The following PCDHGB5 variants were observed in gnomAD, a reference collection of about 807,000 sequenced individuals.
PCDHGB5 encodes the protein protocadherin gamma subfamily B, 5.
A neutral mutation model predicts 62.9 loss-of-function variants in PCDHGB5; 48 were observed. That is an observed-to-expected ratio of 0.76 (90% confidence interval 0.61 to 0.97). PCDHGB5 has a LOEUF of 0.97. Among genes scored for constraint, PCDHGB5 ranks in the 50% least tolerant of loss-of-function variants. The pLI, the probability that PCDHGB5 is intolerant of heterozygous loss-of-function variation, is 0.00. For synonymous variants in PCDHGB5, 474 were observed against 511.2 expected (o/e 0.93, Z 0.98); for missense variants, 1,118 against 1,198.6 (o/e 0.93, Z 0.99).
At chr5:141,503,325 G>A (rs1002520312) in intron 2 of PCDHGB5, among the ~76,000 whole-genome samples, 10 of 152,104 alleles carry the variant, frequency 6.6e-5, no homozygotes, top group East Asian at 1.9e-4. Flanking sequence ...GGAGGGGCGC[G>A]GTGGCTCACG....
intron 1 of PCDHGB5, chr5:141,413,714 A>T: frequency 6.2e-7 from 1 of 1,613,586 alleles, no homozygotes; most frequent in Non-Finnish European, 8.5e-7. Flanking sequence ...AGCCCCAATA[A>T]GCACTTCTCC....
At chr5:141,427,845 G>C in intron 1 of PCDHGB5, 1 of 1,550,582 alleles carries the variant, frequency 6.4e-7, no homozygotes, top group Non-Finnish European at 8.8e-7. Context: ...CTTCGACCAC[G>C]AGCAGCTGTG....
Position 141,491,620 on chromosome 5 carries a change from A to C in PCDHGB5, c.2398-3187A>C. On this transcript the variant is annotated intron_variant, in intron 1 of 3. Coordinates refer to ENST00000617380, the MANE Select transcript of PCDHGB5 (RefSeq NM_018925.3). This position sits in a 1 kb window ranked among gnomAD's most constrained non-coding sequence, Gnocchi z 6.9. ...TGACTTCACTTTTCTAAGACCCCTC[A>C]GCGTTCAGCAGCCCACAGCTCTGGC... is the stretch of plus-strand genomic sequence containing the variant. 6.2e-7 allele frequency: 1 copy of C among 1,613,906 alleles called. No individual in the cohort carries two copies. The highest frequency in any genetic ancestry group is 1.1e-5 in the South Asian group (1 of 91,084).
chr5:141,405,419 T>C, intron 1 of PCDHGB5: 7 of 1,509,010 alleles, frequency 4.6e-6, no homozygotes, highest in Non-Finnish European at 5.4e-6. Flanking sequence ...TTTTTTGTTT[T>C]TTGTTTTGTT....
Position 141,491,436 on chromosome 5 carries a change from G to A in PCDHGB5, c.2398-3371G>A, listed in dbSNP as rs771884610. ...ACGGGGGTGGAGGGCAGTGCTGCAG[G>A]CGCCAGGACTCACCCTCCCCGGACT... On this transcript the variant is annotated intron_variant, in intron 1 of 3. Coordinates refer to ENST00000617380, the MANE Select transcript of PCDHGB5 (RefSeq NM_018925.3). This position sits in a 1 kb window ranked among gnomAD's most constrained non-coding sequence, Gnocchi z 6.9. 1 of 1,614,070 alleles carries A rather than the reference G, an allele frequency of 6.2e-7. No individual in the cohort carries two copies. The highest frequency in any genetic ancestry group is 8.5e-7 in the Non-Finnish European group (1 of 1,180,034).
rs781336795 is a variant in PCDHGB5, at chr5:141,477,936, C to T, written c.2398-16871C>T. Reference sequence around the variant, plus strand: ...GATGCAGGGCACAATGCCTGGCTCTCCTACAGTCTCTTGGGATCCCCTAAC... The same window carrying T: ...GATGCAGGGCACAATGCCTGGCTCTTCTACAGTCTCTTGGGATCCCCTAAC... On this transcript the variant is annotated intron_variant, in intron 1 of 3. Transcript: ENST00000617380. This position sits in a 1 kb window ranked among gnomAD's most constrained non-coding sequence, Gnocchi z 4.9. 1.2e-6 allele frequency: 2 copies of T among 1,614,170 alleles called. No homozygotes were observed. The highest frequency in any genetic ancestry group is 1.1e-5 in the South Asian group (1 of 91,088).
At position 141,511,248 on chromosome 5, in the gene PCDHGB5, C is replaced by T; in HGVS notation, c.*75C>T. ...AGCTTCTCCTTACCTGCACCCAGGC[C>T]TCAGAGTTTCAGGGCTAACCCCCAG... On this transcript the variant is annotated 3_prime_UTR_variant, in exon 4 of 4. Transcript: ENST00000617380. 6.4e-7 allele frequency: 1 copy of T among 1,574,736 alleles called. No homozygotes were observed. The highest frequency in any genetic ancestry group is 8.6e-7 in the Non-Finnish European group (1 of 1,160,336).
chr5:141,494,400 C>A (rs2099754045), intron 1 of PCDHGB5, among the ~76,000 whole-genome samples: 1 of 152,158 alleles, frequency 6.6e-6, no homozygotes, highest in African/African-American at 2.4e-5. Flanking sequence ...TAAATTCATT[C>A]TAGGGCTGGT....
chr5:141,437,881 G>A (rs1317504695), intron 1 of PCDHGB5, among the ~76,000 whole-genome samples: 4 of 152,026 alleles, frequency 2.6e-5, no homozygotes, highest in Admixed American at 2.6e-4. Flanking sequence ...GGGACTACAG[G>A]CACACGCCAC....
chr5:141,398,882 G>C lies in PCDHGB5; in HGVS notation c.755G>C (p.Arg252Pro). Residue 252 changes from arginine (R) to proline (P), a missense_variant, in exon 1 of 4, where the codon CGG (arginine) becomes CCG (proline). Arg to Pro is a moderately radical substitution (Grantham distance 103). Around this residue, in one of 2 missense-constraint regions of PCDHGB5, gnomAD observed 1,034 missense variants for 1,029.1 expected, o/e 1.00. Coordinates refer to ENST00000617380, the MANE Select transcript of PCDHGB5 (RefSeq NM_018925.3). ...FNRDVYRVSL[R>P]ENVPPGTTVL... Reference sequence around the variant, plus strand: ...CGAGACGTGTACAGAGTCAGCCTTCGGGAAAACGTGCCACCAGGCACCACT... The same window carrying C: ...CGAGACGTGTACAGAGTCAGCCTTCCGGAAAACGTGCCACCAGGCACCACT... The C allele has an allele frequency of 6.2e-7, 1 of 1,613,930 alleles. No homozygotes were observed. The highest frequency in any genetic ancestry group is 8.5e-7 in the Non-Finnish European group (1 of 1,179,888).
At chr5:141,445,282 T>G (rs1023693067) in intron 1 of PCDHGB5, among the ~76,000 whole-genome samples, 4 of 152,220 alleles carry the variant, frequency 2.6e-5, no homozygotes, top group Non-Finnish European at 5.9e-5. Context: ...TCTGCATAAG[T>G]TCAGGCTTCC....
intron 1 of PCDHGB5, among the ~76,000 whole-genome samples, chr5:141,463,117 A>G (rs2099053039): frequency 6.6e-6 from 1 of 152,196 alleles, no homozygotes; most frequent in African/African-American, 2.4e-5. Context: ...TTCAGCTAAT[A>G]GCTCCCTGGC....
chr5:141,408,230 C>G (rs1470965375), intron 1 of PCDHGB5: 1 of 1,566,168 alleles, frequency 6.4e-7, no homozygotes, highest in Non-Finnish European at 8.7e-7. Flanking sequence ...GCAGAGGCGC[C>G]GGGCCGGCCC....
At chr5:141,415,151 C>G in intron 1 of PCDHGB5, 2 of 1,613,814 alleles carry the variant, frequency 1.2e-6, no homozygotes, top group Non-Finnish European at 1.7e-6. Flanking sequence ...CCCCCTCTCT[C>G]CGCCACTGTC....
intron 1 of PCDHGB5, among the ~76,000 whole-genome samples, chr5:141,469,345 G>A (rs2099197832): frequency 6.6e-6 from 1 of 152,128 alleles, no homozygotes; most frequent in Non-Finnish European, 1.5e-5. Context: ...GGGAGGCTGA[G>A]GTGGATGGAT....
intron 2 of PCDHGB5, among the ~76,000 whole-genome samples, chr5:141,500,289 A>G (rs1440166636): frequency 6.6e-6 from 1 of 151,486 alleles, no homozygotes; most frequent in African/African-American, 2.4e-5. Flanking sequence ...GCTCACTGCA[A>G]GCTCCGCCTC....
chr5:141,477,295 G>A lies in PCDHGB5; in HGVS notation c.2398-17512G>A, dbSNP rs1207558247. On this transcript the variant is annotated intron_variant, in intron 1 of 3. Transcript: ENST00000617380. This position sits in a 1 kb window ranked among gnomAD's most constrained non-coding sequence, Gnocchi z 4.9. ...GGCTGGTGACCTGCGAAGTTCCACC[G>A]GGTCTCCCTTTCAGCCTTACTTCTT... is the stretch of plus-strand genomic sequence containing the variant. The A allele has an allele frequency of 8.1e-6, 13 of 1,613,990 alleles. No homozygotes were observed. Among genetic ancestry groups the A allele is most frequent in the Admixed American group, 3.3e-5 (2 of 59,990 alleles).
intron 2 of PCDHGB5, 164 bp downstream of exon 2, chr5:141,495,029 G>A: frequency 2.1e-6 from 2 of 968,864 alleles, no homozygotes; most frequent in Non-Finnish European, 2.5e-6. Flanking sequence ...ACAGACCCCG[G>A]AAGGAAGAGG....
At chr5:141,423,495 C>T in intron 1 of PCDHGB5, 1 of 1,613,946 alleles carries the variant, frequency 6.2e-7, no homozygotes, top group African/African-American at 1.3e-5. Context: ...CCTATTCCCA[C>T]GAGGTCTCTC....
Sources: gnomAD v4.1 joint callset for allele counts (sites outside exome capture counted in the v4.1 genomes callset) on GRCh38, gnomAD v4.1.1 for gene constraint, gnomAD v4.1.1 regional missense constraint, Gnocchi (gnomAD v3.1) non-coding constraint, MANE v1.5 for transcripts, NCBI Gene and HGNC (gene_info 2026-07-23, HGNC 2026-07-21) for gene names.